RAPGEF4: variants seen among roughly 807,000 people sequenced by gnomAD.
The protein encoded by RAPGEF4 is RAP guanine-nucleotide-exchange factor (GEF) 4.
Under a neutral mutation model 147.9 loss-of-function variants are expected in RAPGEF4, and 66 were observed. The observed-to-expected ratio is 0.45, with a 90% CI of 0.37 to 0.55. The LOEUF is 0.55. RAPGEF4 is among the 20% of genes least tolerant of loss of function. The pLI is 0.00. For missense variants in RAPGEF4, 1,071 were observed against 1,257.3 expected (o/e 0.85, Z 2.24); for synonymous variants, 419 against 442.7 (o/e 0.95, Z 0.67).
Position 172,756,333 on chromosome 2 carries a change from T to C in RAPGEF4, c.65+20285T>C, listed in dbSNP as rs577658823. Among the ~76,000 whole-genome samples, 4 of 152,332 alleles carry C rather than the reference T, an allele frequency of 2.6e-5. No individual in the cohort carries two copies. The East Asian group carries it at 7.7e-4, about 29-fold the overall frequency. ...TTCCCATGGCCCTCTGCTGCCTTAC[T>C]GCACTGCCTAGCCTTTGCGCATCGC... On this transcript the variant is annotated intron_variant, in intron 1 of 30. Coordinates refer to ENST00000397081, the MANE Select transcript of RAPGEF4 (RefSeq NM_007023.4).
intron 4 of RAPGEF4, among the ~76,000 whole-genome samples, chr2:172,840,310 TA>T: frequency 6.6e-6 from 1 of 152,352 alleles, no homozygotes; most frequent in African/African-American, 2.4e-5. Flanking sequence ...ACTGTTCTCT[TA>T]ACTGATCATG....
At chr2:172,972,780 C>G (rs1044525971) in intron 10 of RAPGEF4, among the ~76,000 whole-genome samples, 2 of 152,098 alleles carry the variant, frequency 1.3e-5, no homozygotes, top group Admixed American at 1.3e-4. Context: ...ATAAGATTGC[C>G]TCAAGGTTTT....
chr2:172,789,141 C>A (rs1267466827), intron 1 of RAPGEF4, among the ~76,000 whole-genome samples: 1 of 152,226 alleles, frequency 6.6e-6, no homozygotes, highest in African/African-American at 2.4e-5. Flanking sequence ...GAACCTCTCA[C>A]TCCTTCCATT....
At chr2:172,901,611 T>G (rs1317064360) in intron 4 of RAPGEF4, among the ~76,000 whole-genome samples, 1 of 152,216 alleles carries the variant, frequency 6.6e-6, no homozygotes, top group Non-Finnish European at 1.5e-5. Flanking sequence ...AACTAATATT[T>G]ATTGTGTGCC....
chr2:172,793,620 A>G (rs1007923386), intron 1 of RAPGEF4, among the ~76,000 whole-genome samples: 1 of 152,242 alleles, frequency 6.6e-6, no homozygotes, highest in Non-Finnish European at 1.5e-5. Context: ...AATGTGAAAT[A>G]TCCATCAAGA....
chr2:172,939,197 T>C (rs1272561763), intron 6 of RAPGEF4, among the ~76,000 whole-genome samples: 2 of 152,246 alleles, frequency 1.3e-5, no homozygotes, highest in African/African-American at 2.4e-5. Flanking sequence ...AATTGCTAGA[T>C]TGTGTGGTAA....
chr2:172,772,877 C>G (rs775622148), intron 1 of RAPGEF4, among the ~76,000 whole-genome samples: 3 of 152,056 alleles, frequency 2.0e-5, no homozygotes, highest in Admixed American at 6.5e-5. Flanking sequence ...TGTTCTAAAC[C>G]CAGGGTTGCT....
intron 8 of RAPGEF4, among the ~76,000 whole-genome samples, chr2:172,962,147 G>C (rs1468398088): frequency 6.6e-6 from 1 of 152,142 alleles, no homozygotes; most frequent in Non-Finnish European, 1.5e-5. Flanking sequence ...AGCAAGTGTT[G>C]AGGAACTAGA....
intron 10 of RAPGEF4, among the ~76,000 whole-genome samples, chr2:172,981,516 C>T (rs887711548): frequency 9.9e-5 from 15 of 152,168 alleles, no homozygotes; most frequent in Non-Finnish European, 2.2e-4. Flanking sequence ...ACCATAAGCA[C>T]GAGATTGGTG....
At chr2:172,905,830 C>A (rs1699571082) in intron 4 of RAPGEF4, among the ~76,000 whole-genome samples, 1 of 152,220 alleles carries the variant, frequency 6.6e-6, no homozygotes, top group Non-Finnish European at 1.5e-5. Context: ...GGGCTTCGAA[C>A]TTATTTGTGC....
rs755515366 is a variant in RAPGEF4 at position 173,030,264 on chromosome 2, A to G, written c.2649+10A>G. The G allele has an allele frequency of 7.5e-6, 12 of 1,599,426 alleles. No individual in the cohort carries two copies. The highest frequency in any genetic ancestry group is 1.0e-5 in the Non-Finnish European group (12 of 1,166,858). On this transcript the variant is annotated intron_variant, in intron 26 of 30. Coordinates refer to ENST00000397081, the MANE Select transcript of RAPGEF4 (RefSeq NM_007023.4). ...GGCACTAACGTGGGAGGTAAGCTTC[A>G]GCTAGGATCCAGCTGTGACTTTTGC... is the stretch of plus-strand genomic sequence containing the variant.
intron 4 of RAPGEF4, among the ~76,000 whole-genome samples, chr2:172,816,421 G>T (rs971654917): frequency 6.6e-6 from 1 of 151,914 alleles, no homozygotes; most frequent in Non-Finnish European, 1.5e-5. Flanking sequence ...CTATCCCAAG[G>T]TTTCCTATAA....
At chr2:172,858,183 T>G (rs946906798) in intron 4 of RAPGEF4, among the ~76,000 whole-genome samples, 1 of 152,226 alleles carries the variant, frequency 6.6e-6, no homozygotes, top group Non-Finnish European at 1.5e-5. Flanking sequence ...TTTATGCTCC[T>G]TCTTGACTGT....
chr2:172,772,046 T>A (rs1159893714), intron 1 of RAPGEF4, among the ~76,000 whole-genome samples: 1 of 152,094 alleles, frequency 6.6e-6, no homozygotes, highest in African/African-American at 2.4e-5. Context: ...TGAGACCAGC[T>A]TGGGAAACAT....
At chr2:172,783,592 GT>G (rs1559039047) in intron 1 of RAPGEF4, among the ~76,000 whole-genome samples, 4 of 152,066 alleles carry the variant, frequency 2.6e-5, no homozygotes, top group Non-Finnish European at 4.4e-5. Context: ...CTTCAAAGGG[GT>G]TTTTTTCTGA....
intron 1 of RAPGEF4, among the ~76,000 whole-genome samples, chr2:172,789,236 A>G (rs904829188): frequency 2.0e-5 from 3 of 152,242 alleles, no homozygotes; most frequent in Non-Finnish European, 2.9e-5. Context: ...ATTCTGGGCC[A>G]TAATTACATC....
rs1003177178 is a variant in RAPGEF4, at chr2:172,930,212, T to C, written c.537+7912T>C. 2.0e-5 allele frequency among the ~76,000 whole-genome samples: 3 copies of C among 152,192 alleles called. No homozygotes were observed. In the East Asian group the frequency reaches 5.8e-4, roughly 29 times the overall value. On this transcript the variant is annotated intron_variant, in intron 6 of 30. Transcript: ENST00000397081. ...AAAAGAGTACCCGAATTTTCTCTTC[T>C]GAATTATTTTGGGCACTCTTCTTTC...
intron 18 of RAPGEF4, among the ~76,000 whole-genome samples, chr2:173,016,125 G>A (rs3769226): frequency 0.055 from 8,302 of 152,028 alleles, 314 homozygotes; most frequent in East Asian, 0.1. Flanking sequence ...TCTGATATCC[G>A]TGCAGTCATT....
At chr2:172,971,587 C>T (rs574137304) in intron 10 of RAPGEF4, among the ~76,000 whole-genome samples, 1 of 152,286 alleles carries the variant, frequency 6.6e-6, no homozygotes, top group South Asian at 2.1e-4. Flanking sequence ...TTTTTCCCAT[C>T]TCCCTAGGTT....
Sources: gnomAD v4.1 joint callset for allele counts (sites outside exome capture counted in the v4.1 genomes callset) on GRCh38, gnomAD v4.1.1 for gene constraint, MANE v1.5 for transcripts, NCBI Gene and HGNC (gene_info 2026-07-23, HGNC 2026-07-21) for gene names.